The following TCF7L1 variants were observed in gnomAD, a reference collection of about 807,000 sequenced individuals.
The protein encoded by TCF7L1 is transcription factor 7-like 1.
In TCF7L1, 18 loss-of-function variants were observed where a neutral mutation model predicts 63.7. That is an observed-to-expected ratio of 0.28 (90% confidence interval 0.20 to 0.42). The LOEUF (loss-of-function observed/expected upper bound fraction) is 0.42. Among genes scored for constraint, TCF7L1 ranks in the 10% least tolerant of loss-of-function variants. TCF7L1 has a pLI of 1.00. For synonymous variants in TCF7L1, 355 were observed against 340.9 expected (o/e 1.04, Z -0.46); for missense variants, 654 against 779.3 (o/e 0.84, Z 1.91).
intron 3 of TCF7L1, among the ~76,000 whole-genome samples, chr2:85,202,869 T>C (rs1220925954): frequency 6.6e-6 from 1 of 152,186 alleles, no homozygotes; most frequent in Non-Finnish European, 1.5e-5. Flanking sequence ...AGTCTCGCTC[T>C]TTCGCCCAGG....
At chr2:85,135,700 C>T (rs533765429) in intron 3 of TCF7L1, among the ~76,000 whole-genome samples, 46 of 130,058 alleles carry the variant, frequency 3.5e-4, no homozygotes, top group African/African-American at 1.3e-3. Context: ...GGGGGATTGA[C>T]GGGGGGCGGT....
At chr2:85,163,800 T>C (rs1678346076) in intron 3 of TCF7L1, among the ~76,000 whole-genome samples, 1 of 152,130 alleles carries the variant, frequency 6.6e-6, no homozygotes, top group Admixed American at 6.5e-5. Context: ...CCCTGTGTAT[T>C]CAAACAGTCT....
At chr2:85,294,850 T>C (rs1681806798) in intron 4 of TCF7L1, among the ~76,000 whole-genome samples, 2 of 151,896 alleles carry the variant, frequency 1.3e-5, no homozygotes, top group South Asian at 4.2e-4. Flanking sequence ...CTGGGCAACA[T>C]AGTGCGACCT....
At chr2:85,241,275 A>G (rs962199924) in intron 3 of TCF7L1, among the ~76,000 whole-genome samples, 1 of 151,920 alleles carries the variant, frequency 6.6e-6, no homozygotes, top group Non-Finnish European at 1.5e-5. Flanking sequence ...TATTTTCCTC[A>G]TTTGACTCTT....
chr2:85,150,160 T>C (rs1677973206), intron 3 of TCF7L1, among the ~76,000 whole-genome samples: 1 of 152,188 alleles, frequency 6.6e-6, no homozygotes, highest in African/African-American at 2.4e-5. Context: ...GAGTTCAACA[T>C]CACATCTTAT....
chr2:85,266,338 T>C (rs995431565), intron 3 of TCF7L1, among the ~76,000 whole-genome samples: 2 of 152,244 alleles, frequency 1.3e-5, no homozygotes, highest in African/African-American at 4.8e-5. Flanking sequence ...CTAATTTACT[T>C]TCCCACCACC....
intron 3 of TCF7L1, among the ~76,000 whole-genome samples, chr2:85,268,327 G>C (rs778236910): frequency 1.4e-4 from 21 of 152,258 alleles, no homozygotes; most frequent in Admixed American, 5.2e-4. Context: ...GAGCTGCCTG[G>C]GAGGCAGCAC....
intron 3 of TCF7L1, among the ~76,000 whole-genome samples, chr2:85,178,556 T>C (rs1464467788): frequency 2.0e-5 from 3 of 152,218 alleles, no homozygotes; most frequent in East Asian, 1.9e-4. Flanking sequence ...TCCTGGCATC[T>C]AGGCCCTTTC....
chr2:85,229,961 T>C lies in TCF7L1; in HGVS notation c.442-53534T>C, dbSNP rs575976472. 2.6e-5 allele frequency among the ~76,000 whole-genome samples: 4 copies of C among 152,296 alleles called. No homozygotes were observed. In the South Asian group the frequency reaches 6.2e-4, roughly 24 times the overall value. On this transcript the variant is annotated intron_variant, in intron 3 of 11. Coordinates refer to ENST00000282111, the MANE Select transcript of TCF7L1 (RefSeq NM_031283.3). ...AGGTCAAGGCTGCAATGAGCTGAGA[T>C]AGTGCCAGTAACACTCCAGCCTGGG...
chr2:85,231,265 T>TG (rs1489678307), intron 3 of TCF7L1, among the ~76,000 whole-genome samples: 2 of 152,238 alleles, frequency 1.3e-5, no homozygotes, highest in African/African-American at 4.8e-5. Context: ...CCTAGCATCC[T>TG]GGTTTGTATT....
At position 85,147,288 on chromosome 2, in the gene TCF7L1, G is replaced by A. The variant is rs113079051; in HGVS notation, c.441+12838G>A. Among the ~76,000 whole-genome samples the A allele has an allele frequency of 3.2e-3, 486 of 152,242 alleles. 3 individuals carry two copies. Among genetic ancestry groups the A allele is most frequent in the African/African-American group, 0.01 (433 of 41,544 alleles). The stretch of plus-strand genomic sequence containing the variant: ...TCTCTTGTCCATGATGAAGCTTTTC[G>A]TGGGGGGTCCGGGTAGCAAAATACT... On this transcript the variant is annotated intron_variant, in intron 3 of 11. Coordinates refer to ENST00000282111, the MANE Select transcript of TCF7L1 (RefSeq NM_031283.3).
intron 3 of TCF7L1, among the ~76,000 whole-genome samples, chr2:85,279,424 A>G (rs936838096): frequency 1.2e-4 from 19 of 152,150 alleles, no homozygotes; most frequent in Admixed American, 8.5e-4. Flanking sequence ...AAATAAATAA[A>G]CAGAAGCACT....
intron 3 of TCF7L1, among the ~76,000 whole-genome samples, chr2:85,219,502 T>C (rs1260544815): frequency 6.6e-6 from 1 of 152,158 alleles, no homozygotes; most frequent in African/African-American, 2.4e-5. Flanking sequence ...ATAAATATAG[T>C]CATCTAGTAG....
intron 3 of TCF7L1, among the ~76,000 whole-genome samples, chr2:85,232,132 G>A (rs1242908130): frequency 6.6e-6 from 1 of 152,202 alleles, no homozygotes; most frequent in Non-Finnish European, 1.5e-5. Flanking sequence ...AAGGCGATCG[G>A]GTCAGGGCTG....
In TCF7L1 at chr2:85,133,728, G is replaced by GCGGGGGAGGCGGCGGCTCCAGCGC; in HGVS notation, c.50_73dup (p.Gly17_Gly24dup). On this transcript the variant is annotated inframe_insertion, in exon 1 of 12. Coordinates refer to ENST00000282111, the MANE Select transcript of TCF7L1 (RefSeq NM_031283.3). The surrounding 1 kb of genome is among the most constrained non-coding windows in gnomAD (Gnocchi z 4.4). ...GGGGGCGGCGGCGGCGGCGGCGGCA[G>GCGGGGGAGGCGGCGGCTCCAGCGC]CGGGGGAGGCGGCGGCTCCAGCGCC... 8.4e-7 allele frequency: 1 copy of GCGGGGGAGGCGGCGGCTCCAGCGC among 1,195,710 alleles called. No individual in the cohort carries two copies. The allele number at this position is 1,195,710 out of a possible 1,614,324, so 74.1% of individuals were successfully genotyped here.
chr2:85,209,071 G>A (rs551999339), intron 3 of TCF7L1, among the ~76,000 whole-genome samples: 19 of 152,304 alleles, frequency 1.2e-4, no homozygotes, highest in African/African-American at 4.6e-4. Context: ...CGTTTCCTCC[G>A]AGTGGGACAG....
chr2:85,238,723 A>C (rs1213097431), intron 3 of TCF7L1, among the ~76,000 whole-genome samples: 1 of 152,162 alleles, frequency 6.6e-6, no homozygotes, highest in African/African-American at 2.4e-5. Flanking sequence ...ACAGTGGGGT[A>C]GTATCTGAGG....
chr2:85,205,782 A>G (rs1679394138), intron 3 of TCF7L1, among the ~76,000 whole-genome samples: 1 of 152,152 alleles, frequency 6.6e-6, no homozygotes, highest in East Asian at 1.9e-4. Context: ...TGGCCTCCCA[A>G]AGTGTTGGGA....
chr2:85,212,828 C>A lies in TCF7L1; in HGVS notation c.442-70667C>A, dbSNP rs115676913. 9.0e-3 allele frequency among the ~76,000 whole-genome samples: 1,365 copies of A among 152,198 alleles called. 19 individuals carry two copies. The highest frequency in any genetic ancestry group is 0.031 in the African/African-American group (1,287 of 41,530). On this transcript the variant is annotated intron_variant, in intron 3 of 11. Coordinates refer to ENST00000282111, the MANE Select transcript of TCF7L1 (RefSeq NM_031283.3). ...TCTTCAGGACGGTGAGACGAACCCGCTGAGCAGGCTGTGGGCAAGGTCACT... is the reference window on the plus strand; with the variant it reads ...TCTTCAGGACGGTGAGACGAACCCGATGAGCAGGCTGTGGGCAAGGTCACT...
Sources: gnomAD v4.1 joint callset for allele counts (sites outside exome capture counted in the v4.1 genomes callset) on GRCh38, gnomAD v4.1.1 for gene constraint, Gnocchi (gnomAD v3.1) non-coding constraint, MANE v1.5 for transcripts, NCBI Gene and HGNC (gene_info 2026-07-23, HGNC 2026-07-21) for gene names.